Variants in LINGO2 observed in about 807,000 individuals in gnomAD.
The protein encoded by LINGO2 is leucine-rich repeat and immunoglobulin-like domain-containing nogo receptor-interacting protein 2.
LINGO2 carries 14 observed loss-of-function variants against 30.6 expected under a neutral mutation model. That is an observed-to-expected ratio of 0.46 (90% CI 0.30 to 0.72). The LOEUF (loss-of-function observed/expected upper bound fraction) is 0.72, where lower values mean the gene tolerates loss of function less well. LINGO2 is among the 30% of genes least tolerant of loss of function. LINGO2 has a pLI of 0.07. For synonymous variants in LINGO2, 317 were observed against 288.5 expected, an observed-to-expected ratio of 1.10 and a Z score of -1.00; for missense variants, 729 against 751.7, an observed-to-expected ratio of 0.97 and a Z score of 0.35.
chr9:28,755,848 T>C, the LINGO2 span, among the ~76,000 whole-genome samples: 4 of 152,110 alleles, frequency 2.6e-5, no homozygotes, highest in Non-Finnish European at 4.4e-5. Context: ...GTCTGATCAT[T>C]TGCACTGGTG....
the LINGO2 span, among the ~76,000 whole-genome samples, chr9:29,063,269 C>G: frequency 6.6e-6 from 1 of 152,088 alleles, no homozygotes; most frequent in African/African-American, 2.4e-5. Flanking sequence ...GCTGCAGAAA[C>G]AACAGAGCAC....
At chr9:28,668,479 CAA>C (rs1177099078) in intron 1 of LINGO2, among the ~76,000 whole-genome samples, 1 of 151,376 alleles carries the variant, frequency 6.6e-6, no homozygotes, top group African/African-American at 2.4e-5. Flanking sequence ...AAAAGTGAAA[CAA>C]AATATTAATT....
intron 5 of LINGO2, among the ~76,000 whole-genome samples, chr9:28,005,858 T>G (rs922338380): frequency 7.9e-5 from 12 of 152,172 alleles, no homozygotes; most frequent in African/African-American, 2.6e-4. Flanking sequence ...ATAGATGGCC[T>G]TATCATTTTG....
At chr9:28,764,405 C>T in the LINGO2 span, among the ~76,000 whole-genome samples, 2 of 151,866 alleles carry the variant, frequency 1.3e-5, no homozygotes, top group Admixed American at 6.6e-5. Flanking sequence ...ATTAAAACTA[C>T]ATGATCATCT....
intron 3 of LINGO2, among the ~76,000 whole-genome samples, chr9:28,354,732 G>C (rs932893166): frequency 2.0e-5 from 3 of 152,036 alleles, no homozygotes; most frequent in Admixed American, 6.6e-5. Flanking sequence ...TTTTATAGCT[G>C]TTTTTTACCA....
the LINGO2 span, among the ~76,000 whole-genome samples, chr9:28,908,474 A>G: frequency 4.6e-5 from 7 of 151,916 alleles, no homozygotes; most frequent in Non-Finnish European, 1.0e-4. Flanking sequence ...ATGTTGGCTG[A>G]CTATCCTCTC....
chr9:28,618,298 T>C (rs561021852), intron 1 of LINGO2, among the ~76,000 whole-genome samples: 1 of 152,276 alleles, frequency 6.6e-6, no homozygotes, highest in South Asian at 2.1e-4. Context: ...CTAAGCTATT[T>C]TTTATTTTAT....
chr9:28,109,147 C>T (rs1418953649), intron 4 of LINGO2, among the ~76,000 whole-genome samples: 1 of 152,198 alleles, frequency 6.6e-6, no homozygotes, highest in African/African-American at 2.4e-5. Context: ...ACAAAAACCA[C>T]ATGATCATCT....
At chr9:29,099,868 C>T in the LINGO2 span, among the ~76,000 whole-genome samples, 1 of 152,090 alleles carries the variant, frequency 6.6e-6, no homozygotes, top group South Asian at 2.1e-4. Context: ...AATCCATCAA[C>T]CCCACTGCTA....
intron 4 of LINGO2, among the ~76,000 whole-genome samples, chr9:28,069,253 G>A (rs922318051): frequency 2.6e-5 from 4 of 152,190 alleles, no homozygotes; most frequent in Non-Finnish European, 4.4e-5. Flanking sequence ...CTGAGGTAGA[G>A]TTTGTTTTGT....
chr9:28,017,862 A>G (rs1425773604), intron 4 of LINGO2, among the ~76,000 whole-genome samples: 1 of 152,134 alleles, frequency 6.6e-6, no homozygotes, highest in Admixed American at 6.6e-5. Context: ...CTATTTTAAA[A>G]TTCATATGGA....
chr9:28,990,069 G>A, the LINGO2 span, among the ~76,000 whole-genome samples: 10 of 152,210 alleles, frequency 6.6e-5, no homozygotes, highest in Non-Finnish European at 1.5e-4. Context: ...TGCACCATGC[G>A]TGAGCCGAAG....
At chr9:28,860,448 AC>A in the LINGO2 span, among the ~76,000 whole-genome samples, 3 of 152,016 alleles carry the variant, frequency 2.0e-5, no homozygotes, top group Non-Finnish European at 4.4e-5. Context: ...TTGCACTTGG[AC>A]TTGAACTGCA....
chr9:28,760,957 T>TACAC, the LINGO2 span, among the ~76,000 whole-genome samples: 5 of 148,888 alleles, frequency 3.4e-5, no homozygotes, highest in African/African-American at 1.2e-4. Flanking sequence ...CACACACACA[T>TACAC]ACACACACAC....
chr9:28,219,080 G>A (rs186944235), intron 4 of LINGO2, among the ~76,000 whole-genome samples: 29 of 152,212 alleles, frequency 1.9e-4, no homozygotes, highest in African/African-American at 6.7e-4. Flanking sequence ...ATTTGCAGCC[G>A]GATTAGCTTT....
At chr9:28,913,604 GA>G in the LINGO2 span, among the ~76,000 whole-genome samples, 4 of 151,988 alleles carry the variant, frequency 2.6e-5, no homozygotes, top group African/African-American at 9.7e-5. Flanking sequence ...AATCAAAATA[GA>G]GAAAGAATAT....
the LINGO2 span, among the ~76,000 whole-genome samples, chr9:29,007,702 G>C: frequency 7.9e-5 from 12 of 152,154 alleles, no homozygotes; most frequent in Non-Finnish European, 1.5e-4. Context: ...GATATCCAAA[G>C]TGTTTTTATT....
chr9:29,108,916 A>C, the LINGO2 span, among the ~76,000 whole-genome samples: 1 of 152,222 alleles, frequency 6.6e-6, no homozygotes, highest in African/African-American at 2.4e-5. Context: ...CAATTATTTG[A>C]AAAGCTGCAC....
At chr9:28,826,824 G>GTAAAGTAAAAC in the LINGO2 span, among the ~76,000 whole-genome samples, 1 of 152,262 alleles carries the variant, frequency 6.6e-6, no homozygotes, top group African/African-American at 2.4e-5. Flanking sequence ...ATAGCTGCAC[G>GTAAAGTAAAAC]ATTGCAGTAA....
Sources: gnomAD v4.1 joint callset for allele counts (sites outside exome capture counted in the v4.1 genomes callset) on GRCh38, gnomAD v4.1.1 for gene constraint, MANE v1.5 for transcripts, NCBI Gene and HGNC (gene_info 2026-07-23, HGNC 2026-07-21) for gene names.